CDHR3: variants seen among roughly 807,000 people sequenced by gnomAD.
CDHR3 encodes the protein cadherin-related family member 3.
A neutral mutation model predicts 86.6 loss-of-function variants in CDHR3; 79 were observed. The observed-to-expected ratio is 0.91, with a 90% CI of 0.76 to 1.10. CDHR3 has a LOEUF of 1.10. CDHR3 is among the 50% of genes least tolerant of loss of function. CDHR3 has a pLI of 0.00. For missense variants in CDHR3, 1,081 were observed against 1,077.6 expected (o/e 1.00, Z -0.04); for synonymous variants, 421 against 402.4 (o/e 1.05, Z -0.55).
intron 12 of CDHR3, among the ~76,000 whole-genome samples, chr7:106,020,109 G>A (rs994356451): frequency 2.0e-5 from 3 of 152,120 alleles, no homozygotes; most frequent in East Asian, 1.9e-4. Flanking sequence ...TGGTGTAGAA[G>A]TTAATAGCAT....
intron 8 of CDHR3, among the ~76,000 whole-genome samples, chr7:106,009,739 A>C (rs991301979): frequency 3.3e-5 from 5 of 152,196 alleles, no homozygotes; most frequent in Non-Finnish European, 7.3e-5. Context: ...GCTGATGATG[A>C]ATGAGCCCAG....
At chr7:105,991,821 T>TG (rs1317275109) in intron 4 of CDHR3, among the ~76,000 whole-genome samples, 1 of 152,232 alleles carries the variant, frequency 6.6e-6, no homozygotes, top group Non-Finnish European at 1.5e-5. Flanking sequence ...TCCCTTCTAA[T>TG]GGGACAGCAG....
At chr7:106,028,217 T>C (rs921102586) in intron 16 of CDHR3, among the ~76,000 whole-genome samples, 1 of 152,040 alleles carries the variant, frequency 6.6e-6, no homozygotes, top group Non-Finnish European at 1.5e-5. Context: ...CCACACCTTA[T>C]GAACAGAGGT....
intron 16 of CDHR3, among the ~76,000 whole-genome samples, chr7:106,027,310 T>C (rs1256562982): frequency 1.3e-5 from 2 of 151,674 alleles, no homozygotes; most frequent in Non-Finnish European, 1.5e-5. Context: ...GGCAGGAGAA[T>C]TGCTTGAACC....
At chr7:106,020,065 A>G (rs889867271) in intron 12 of CDHR3, among the ~76,000 whole-genome samples, 3 of 152,166 alleles carry the variant, frequency 2.0e-5, no homozygotes, top group African/African-American at 7.2e-5. Context: ...GGGGCAAGGT[A>G]TACATACACT....
chr7:105,968,666 A>G (rs1385917777), intron 1 of CDHR3, among the ~76,000 whole-genome samples: 1 of 152,154 alleles, frequency 6.6e-6, no homozygotes, highest in Non-Finnish European at 1.5e-5. Flanking sequence ...GGCCGAGCAT[A>G]TGCATTTTCT....
chr7:105,988,995 T>C (rs1283976783), intron 4 of CDHR3, among the ~76,000 whole-genome samples: 1 of 152,162 alleles, frequency 6.6e-6, no homozygotes, highest in Non-Finnish European at 1.5e-5. Flanking sequence ...TCAATGCTCA[T>C]AGTCACACGT....
At chr7:105,968,358 TTTTTTTA>T (rs903328723) in intron 1 of CDHR3, among the ~76,000 whole-genome samples, 5 of 152,088 alleles carry the variant, frequency 3.3e-5, no homozygotes, top group Non-Finnish European at 7.4e-5. Context: ...CTTTCTTTCT[TTTTTTTA>T]TTTTTTATTT....
At chr7:105,976,806 A>AC (rs1828883712) in intron 2 of CDHR3, among the ~76,000 whole-genome samples, 1 of 152,156 alleles carries the variant, frequency 6.6e-6, no homozygotes, top group African/African-American at 2.4e-5. Flanking sequence ...TTTATGGCTG[A>AC]ATTATATTAT....
intron 17 of CDHR3, 95 bp downstream of exon 17, chr7:106,028,677 T>A: frequency 1.5e-6 from 2 of 1,344,612 alleles, no homozygotes; most frequent in Non-Finnish European, 2.1e-6. Context: ...CTTGTGGGCA[T>A]GTTTATCATT....
chr7:106,034,117 A>ATC lies in CDHR3; in HGVS notation c.*1420_*1421insTC, dbSNP rs1443317855. Among the ~76,000 whole-genome samples the ATC allele has an allele frequency of 6.6e-6, 1 of 152,218 alleles. No homozygotes were observed. Among genetic ancestry groups the ATC allele is most frequent in the Non-Finnish European group, 1.5e-5 (1 of 68,034 alleles). ...AGGAACTGCAGGACTCTGAGTGGGGACATACTGGAAGCCCCATCTAGACAT... is the reference window on the plus strand; with the variant it reads ...AGGAACTGCAGGACTCTGAGTGGGGATCCATACTGGAAGCCCCATCTAGACAT... On this transcript the variant is annotated 3_prime_UTR_variant, in exon 19 of 19. Coordinates refer to ENST00000317716, the MANE Select transcript of CDHR3 (RefSeq NM_152750.5).
At chr7:105,998,314 A>G (rs1425065052) in intron 6 of CDHR3, among the ~76,000 whole-genome samples, 1 of 152,252 alleles carries the variant, frequency 6.6e-6, no homozygotes, top group East Asian at 1.9e-4. Flanking sequence ...ATGTACAGAC[A>G]GCCTTTCTAT....
intron 12 of CDHR3, among the ~76,000 whole-genome samples, chr7:106,019,793 T>C (rs1836269363): frequency 6.6e-6 from 1 of 152,188 alleles, no homozygotes; most frequent in African/African-American, 2.4e-5. Context: ...CCTGGCTGCA[T>C]ATTAGAATCA....
rs1354390961 is a variant in CDHR3 at position 105,974,996 on chromosome 7, C to A, written c.199C>A (p.Pro67Thr). Residue 67 changes from proline (P) to threonine (T), a missense_variant, in exon 2 of 19, where the codon CCC becomes ACC. Physicochemically the swap from Pro to Thr is conservative, Grantham distance 38. Transcript: ENST00000317716. ...ATTTCCCCAGATAGTCAACTCAAAT[C>A]CCCTCACTGAAGCTTTTAGGGTGAA... The part of the protein sequence containing the change: ...PGFPQIVNSN[P>T]LTEAFRVNWL... 1 of 1,613,942 alleles carries A rather than the reference C, an allele frequency of 6.2e-7. No individual in the cohort carries two copies. Among genetic ancestry groups the A allele is most frequent in the African/African-American group, 1.3e-5 (1 of 75,040 alleles).
In CDHR3 at chr7:105,981,103, C is replaced by G; in HGVS notation, c.385C>G (p.Pro129Ala). The part of the protein sequence containing the change: ...LTVQVTDVNE[P>A]PQFQGNLAEG... ...TGTCCAGGTAACAGATGTGAACGAG[C>G]CACCTCAGTTTCAAGGCAACTTGGC... Residue 129 changes from proline to alanine, a missense_variant, in exon 3 of 19, where the codon CCA (proline) becomes GCA (alanine). By Grantham distance (27) the Pro-to-Ala change is conservative. Transcript: ENST00000317716. 1.2e-6 allele frequency: 2 copies of G among 1,613,558 alleles called. No homozygotes were observed. The highest frequency in any genetic ancestry group is 8.5e-7 in the Non-Finnish European group (1 of 1,179,704).
chr7:106,028,051 A>G (rs1167310281), intron 16 of CDHR3, among the ~76,000 whole-genome samples: 1 of 151,962 alleles, frequency 6.6e-6, no homozygotes, highest in African/African-American at 2.4e-5. Context: ...CTTGAGCTCA[A>G]GAGGTCAAGG....
rs536028908 is a variant in CDHR3 at position 105,982,191 on chromosome 7, G to A, written c.415+1058G>A. Among the ~76,000 whole-genome samples the A allele has an allele frequency of 5.9e-5, 9 of 152,266 alleles. No homozygotes were observed. The East Asian group carries it at 7.7e-4, about 13-fold the overall frequency. ...TCTCCTTAAGAACCAATTAAAGGCC[G>A]GGCGCGGTGGCTCACGCCTGTAATC... On this transcript the variant is annotated intron_variant, in intron 3 of 18. Coordinates refer to ENST00000317716, the MANE Select transcript of CDHR3 (RefSeq NM_152750.5).
In CDHR3 at chr7:106,020,609, G is replaced by A. The variant is rs1215457953; in HGVS notation, c.1825+65G>A. ...AGGACCCTGAAGTTGTCTAGGGTAG[G>A]GGTCTGTGCTCACACACTGATCTGG... On this transcript the variant is annotated intron_variant, in intron 13 of 18. Transcript: ENST00000317716. 6.5e-6 allele frequency: 10 copies of A among 1,539,612 alleles called. No individual in the cohort carries two copies. The East Asian group carries it at 2.0e-4, about 31-fold the overall frequency.
Position 106,032,941 on chromosome 7 carries a change from T to G in CDHR3, c.*244T>G, listed in dbSNP as rs763462234. 1 of 504,830 alleles carries G rather than the reference T, an allele frequency of 2.0e-6. No individual in the cohort carries two copies. Among genetic ancestry groups the G allele is most frequent in the Non-Finnish European group, 3.5e-6 (1 of 284,620 alleles). The allele number at this position is 504,830 out of a possible 1,614,324, so 31.3% of individuals were successfully genotyped here. ...ATTTCAGAACTACCTGTGCTTCTGA[T>G]AAGCAAGACTGTTAACTTTGGGGTG... On this transcript the variant is annotated 3_prime_UTR_variant, in exon 19 of 19. Transcript: ENST00000317716.
Sources: gnomAD v4.1 joint callset for allele counts (sites outside exome capture counted in the v4.1 genomes callset) on GRCh38, gnomAD v4.1.1 for gene constraint, MANE v1.5 for transcripts, NCBI Gene and HGNC (gene_info 2026-07-23, HGNC 2026-07-21) for gene names.